GNAQ: variants seen among roughly 807,000 people sequenced by gnomAD.
The protein encoded by GNAQ is G protein subunit alpha q.
A neutral mutation model predicts 43.9 loss-of-function variants in GNAQ; 8 were observed. The observed-to-expected ratio is 0.18, with a 90% CI of 0.11 to 0.33. The LOEUF is 0.33. Ranked by LOEUF, GNAQ falls within the 10% of genes least tolerant of loss-of-function variation. The pLI, the probability that GNAQ is intolerant of heterozygous loss-of-function variation, is 1.00. For synonymous variants in GNAQ, 155 were observed against 170.7 expected (o/e 0.91, Z 0.71); for missense variants, 158 against 450.8 (o/e 0.35, Z 5.88).
chr9:77,942,510 T>C (rs1829330321), intron 1 of GNAQ, among the ~76,000 whole-genome samples: 1 of 152,228 alleles, frequency 6.6e-6, no homozygotes, highest in African/African-American at 2.4e-5. Context: ...AGAACTGGCA[T>C]GCTGGATGAA....
In GNAQ at chr9:77,720,162, T is replaced by C; in HGVS notation, c.*1161A>G. On this transcript the variant is annotated 3_prime_UTR_variant, in exon 7 of 7. Transcript: ENST00000286548. ...TAAGGACAAAGAAAAGAATGGACCGTGAGAATCAAATTTCTAGTTACAACT... is the reference window on the plus strand; with the variant it reads ...TAAGGACAAAGAAAAGAATGGACCGCGAGAATCAAATTTCTAGTTACAACT... 2 of 233,256 alleles carry C rather than the reference T, an allele frequency of 8.6e-6. No homozygotes were observed. The highest frequency in any genetic ancestry group is 8.5e-6 in the Non-Finnish European group (1 of 117,886). 14.4% of individuals were successfully genotyped at this position (233,256 alleles called of 1,614,324 possible).
chr9:77,738,960 A>T (rs1245297623), intron 5 of GNAQ, among the ~76,000 whole-genome samples: 1 of 152,014 alleles, frequency 6.6e-6, no homozygotes, highest in Non-Finnish European at 1.5e-5. Flanking sequence ...GTGTACTATT[A>T]TAAATAACAC....
intron 2 of GNAQ, among the ~76,000 whole-genome samples, chr9:77,880,393 AAC>A: frequency 6.6e-6 from 1 of 152,110 alleles, no homozygotes; most frequent in African/African-American, 2.4e-5. Flanking sequence ...CTTTTTTAGA[AAC>A]AGAGTCTCAC....
intron 5 of GNAQ, among the ~76,000 whole-genome samples, chr9:77,786,539 G>A (rs748562765): frequency 2.6e-5 from 4 of 152,152 alleles, no homozygotes; most frequent in Non-Finnish European, 5.9e-5. Context: ...GGAAGCAGCA[G>A]CTGAGAGGCT....
At chr9:77,912,567 T>C (rs1286970131) in intron 2 of GNAQ, among the ~76,000 whole-genome samples, 1 of 152,114 alleles carries the variant, frequency 6.6e-6, no homozygotes, top group Non-Finnish European at 1.5e-5. Context: ...TATCTTACCA[T>C]TGAGAACTTT....
intron 2 of GNAQ, among the ~76,000 whole-genome samples, chr9:77,893,422 G>A (rs139746187): frequency 6.6e-6 from 1 of 152,294 alleles, no homozygotes; most frequent in African/African-American, 2.4e-5. Flanking sequence ...AAAAGGGGAG[G>A]ACCCCTCAGT....
chr9:77,769,995 A>T (rs1229918571), intron 5 of GNAQ, among the ~76,000 whole-genome samples: 1 of 152,104 alleles, frequency 6.6e-6, no homozygotes, highest in East Asian at 1.9e-4. Flanking sequence ...GGGATTGTGT[A>T]TTTGGGTAAT....
At chr9:77,878,919 G>A (rs1206900543) in intron 2 of GNAQ, among the ~76,000 whole-genome samples, 1 of 152,002 alleles carries the variant, frequency 6.6e-6, no homozygotes, top group African/African-American at 2.4e-5. Flanking sequence ...GGTGGTACAT[G>A]CCTGTAATCC....
At chr9:77,908,552 C>T (rs974266938) in intron 2 of GNAQ, among the ~76,000 whole-genome samples, 7 of 152,058 alleles carry the variant, frequency 4.6e-5, no homozygotes, top group Non-Finnish European at 1.0e-4. Context: ...TGTTATTGTC[C>T]CAAAAGTTTT....
chr9:77,864,516 G>A (rs1827916892), intron 2 of GNAQ, among the ~76,000 whole-genome samples: 1 of 152,170 alleles, frequency 6.6e-6, no homozygotes, highest in Admixed American at 6.5e-5. Context: ...AGGAGGCAGA[G>A]GAGGTCAGAG....
At chr9:77,851,936 T>G (rs1039957804) in intron 2 of GNAQ, among the ~76,000 whole-genome samples, 4 of 152,148 alleles carry the variant, frequency 2.6e-5, no homozygotes, top group African/African-American at 9.7e-5. Flanking sequence ...TAGCTTTAGG[T>G]AAAAATCAGC....
intron 1 of GNAQ, among the ~76,000 whole-genome samples, chr9:77,992,759 A>G (rs1362274798): frequency 6.6e-6 from 1 of 152,162 alleles, no homozygotes; most frequent in Non-Finnish European, 1.5e-5. Context: ...AGCCTAGCCA[A>G]CATGGCAAAA....
At chr9:77,726,840 G>A (rs1016877091) in intron 6 of GNAQ, among the ~76,000 whole-genome samples, 1 of 152,174 alleles carries the variant, frequency 6.6e-6, no homozygotes, top group East Asian at 1.9e-4. Flanking sequence ...GAACTTTTCA[G>A]AGCTTGTGCT....
chr9:77,807,904 T>C (rs1826852820), intron 3 of GNAQ, among the ~76,000 whole-genome samples: 1 of 152,290 alleles, frequency 6.6e-6, no homozygotes, highest in African/African-American at 2.4e-5. Context: ...AAAGCAGCTA[T>C]ACACAATACA....
At chr9:77,755,296 A>G (rs1825883810) in intron 5 of GNAQ, among the ~76,000 whole-genome samples, 1 of 152,182 alleles carries the variant, frequency 6.6e-6, no homozygotes, top group Non-Finnish European at 1.5e-5. Flanking sequence ...AACGAATAAG[A>G]TCTAGTATTT....
intron 2 of GNAQ, among the ~76,000 whole-genome samples, chr9:77,878,728 A>AT (rs2118055362): frequency 6.6e-6 from 1 of 152,234 alleles, no homozygotes; most frequent in African/African-American, 2.4e-5. Context: ...AAGGTAAGAT[A>AT]TTTGGGATAA....
chr9:78,006,144 C>G (rs1056074210), intron 1 of GNAQ, among the ~76,000 whole-genome samples: 8 of 152,116 alleles, frequency 5.3e-5, no homozygotes, highest in Non-Finnish European at 1.0e-4. Context: ...GGTAAACTGT[C>G]ATAAATAGGA....
At chr9:77,991,257 T>G (rs1483044651) in intron 1 of GNAQ, among the ~76,000 whole-genome samples, 1 of 152,226 alleles carries the variant, frequency 6.6e-6, no homozygotes, top group African/African-American at 2.4e-5. Flanking sequence ...CGAACTAAAC[T>G]GATCCAACAC....
At chr9:77,980,517 CTG>C (rs1339656063) in intron 1 of GNAQ, among the ~76,000 whole-genome samples, 1 of 152,196 alleles carries the variant, frequency 6.6e-6, no homozygotes, top group Non-Finnish European at 1.5e-5. Flanking sequence ...ATTAAACTCT[CTG>C]GGATATTAAA....
Sources: allele counts gnomAD v4.1 joint callset (sites outside exome capture counted in the v4.1 genomes callset), GRCh38; gene constraint gnomAD v4.1.1; transcripts MANE v1.5; gene names NCBI Gene and HGNC (gene_info 2026-07-23, HGNC 2026-07-21).